MTUS2: variants seen among roughly 807,000 people sequenced by gnomAD.
MTUS2 encodes microtubule-associated tumor suppressor candidate 2.
Under a neutral mutation model 114.1 loss-of-function variants are expected in MTUS2, and 40 were observed. That is an observed-to-expected ratio of 0.35 (90% confidence interval 0.27 to 0.46). The LOEUF (loss-of-function observed/expected upper bound fraction) is 0.46, where lower values mean the gene tolerates loss of function less well. Ranked by LOEUF, MTUS2 falls within the 20% of genes least tolerant of loss-of-function variation. The pLI is 1.00. For missense variants in MTUS2, 1,679 were observed against 1,705.4 expected, an observed-to-expected ratio of 0.98 and a Z score of 0.27; for synonymous variants, 688 against 672.0, an observed-to-expected ratio of 1.02 and a Z score of -0.37.
intron 2 of MTUS2, among the ~76,000 whole-genome samples, chr13:28,973,643 T>TC (rs1593347120): frequency 6.6e-6 from 1 of 152,358 alleles, no homozygotes; most frequent in East Asian, 1.9e-4. Flanking sequence ...AGTTTGCTTT[T>TC]CCCTATTGCT....
chr13:29,218,161 C>A (rs1327396906), intron 5 of MTUS2, among the ~76,000 whole-genome samples: 1 of 151,612 alleles, frequency 6.6e-6, no homozygotes, highest in Non-Finnish European at 1.5e-5. Flanking sequence ...AAAAAAAAAA[C>A]ACCTAAAAAC....
At chr13:29,349,065 G>A (rs937292149) in intron 7 of MTUS2, among the ~76,000 whole-genome samples, 12 of 152,030 alleles carry the variant, frequency 7.9e-5, no homozygotes, top group African/African-American at 1.9e-4. Context: ...CCATCTTGCC[G>A]TATTTTCTAT....
At chr13:29,389,487 GTATGTGTA>G (rs1873021060) in intron 8 of MTUS2, among the ~76,000 whole-genome samples, 2 of 122,008 alleles carry the variant, frequency 1.6e-5, no homozygotes, top group African/African-American at 6.4e-5. Context: ...ACACGTGTGT[GTATGTGTA>G]TATATGTATA....
chr13:29,188,508 T>G (rs1020902562), intron 5 of MTUS2, among the ~76,000 whole-genome samples: 2 of 152,182 alleles, frequency 1.3e-5, no homozygotes, highest in Non-Finnish European at 2.9e-5. Flanking sequence ...ATCCAAATTG[T>G]TTTAAACATA....
chr13:28,903,428 A>C (rs1217266748), intron 2 of MTUS2, among the ~76,000 whole-genome samples: 1 of 92,388 alleles, frequency 1.1e-5, no homozygotes, highest in Non-Finnish European at 2.0e-5. Flanking sequence ...CCCACCCCAC[A>C]ACAGGCCCTG....
intron 5 of MTUS2, among the ~76,000 whole-genome samples, chr13:29,229,501 G>A (rs542264903): frequency 5.3e-5 from 8 of 152,302 alleles, no homozygotes; most frequent in African/African-American, 1.7e-4. Context: ...GATTCACATG[G>A]ACCTCTAATG....
At chr13:29,246,268 C>T (rs1056490032) in intron 5 of MTUS2, among the ~76,000 whole-genome samples, 6 of 152,124 alleles carry the variant, frequency 3.9e-5, no homozygotes, top group Middle Eastern at 3.2e-3. Flanking sequence ...GGACAGCAGG[C>T]AAGAACACTA....
chr13:29,417,308 C>G (rs1392593238), intron 8 of MTUS2, among the ~76,000 whole-genome samples: 2 of 152,218 alleles, frequency 1.3e-5, no homozygotes, highest in African/African-American at 4.8e-5. Context: ...TCCCCATGAC[C>G]CATACACCTT....
At chr13:28,997,116 A>G (rs1193066062) in intron 2 of MTUS2, among the ~76,000 whole-genome samples, 1 of 152,206 alleles carries the variant, frequency 6.6e-6, no homozygotes, top group Non-Finnish European at 1.5e-5. Context: ...ATTAGTTTCA[A>G]AGAACATCTT....
In MTUS2 at chr13:29,044,228, A is replaced by ATT. The variant is rs56704576; in HGVS notation, c.2446+10110_2446+10111dup. Among the ~76,000 whole-genome samples, 13 of 151,666 alleles carry ATT rather than the reference A, an allele frequency of 8.6e-5. No homozygotes were observed. The South Asian group carries it at 1.2e-3, about 15-fold the overall frequency. On this transcript the variant is annotated intron_variant, in intron 4 of 15. Coordinates refer to ENST00000612955, the MANE Select transcript of MTUS2 (RefSeq NM_001033602.4). ...TGCTTTGTTCAGAATCCAAGCTGGC[A>ATT]TTTTTTTTCTTTAAATATTTAAAGA...
chr13:29,128,561 A>T (rs1314216487), intron 5 of MTUS2, among the ~76,000 whole-genome samples: 1 of 152,244 alleles, frequency 6.6e-6, no homozygotes, highest in Non-Finnish European at 1.5e-5. Flanking sequence ...TATACACCTC[A>T]ATGAAAAGGG....
At chr13:28,833,916 A>G (rs1217171608) in intron 1 of MTUS2, among the ~76,000 whole-genome samples, 3 of 152,174 alleles carry the variant, frequency 2.0e-5, no homozygotes, top group Non-Finnish European at 4.4e-5. Flanking sequence ...GAAAATTTCC[A>G]TTTGTAATAG....
At chr13:29,197,186 G>A (rs111295155) in intron 5 of MTUS2, among the ~76,000 whole-genome samples, 11 of 152,046 alleles carry the variant, frequency 7.2e-5, no homozygotes, top group Non-Finnish European at 1.3e-4. Flanking sequence ...CCCTCCATTC[G>A]TTAGGTATTT....
intron 5 of MTUS2, among the ~76,000 whole-genome samples, chr13:29,179,614 A>T (rs1266043885): frequency 1.3e-5 from 2 of 151,134 alleles, no homozygotes; most frequent in Non-Finnish European, 3.0e-5. Context: ...GGGAAAAAGC[A>T]CAGGAAGTCA....
chr13:28,862,987 A>G (rs1239025809), intron 2 of MTUS2, among the ~76,000 whole-genome samples: 1 of 152,200 alleles, frequency 6.6e-6, no homozygotes, highest in Non-Finnish European at 1.5e-5. Context: ...TATATACTTA[A>G]GTGATTACCT....
At chr13:29,172,787 C>T (rs1387863048) in intron 5 of MTUS2, among the ~76,000 whole-genome samples, 4 of 152,212 alleles carry the variant, frequency 2.6e-5, no homozygotes, top group African/African-American at 7.2e-5. Context: ...TACATAAAAC[C>T]ATGTGAAGGT....
intron 2 of MTUS2, among the ~76,000 whole-genome samples, chr13:28,854,057 G>A (rs1023586610): frequency 1.6e-4 from 25 of 152,202 alleles, no homozygotes; most frequent in African/African-American, 6.0e-4. Context: ...AGAAAGCTTA[G>A]TGTCCACTGC....
chr13:29,433,174 C>T (rs1016663503), intron 8 of MTUS2, among the ~76,000 whole-genome samples: 1 of 152,172 alleles, frequency 6.6e-6, no homozygotes, highest in Non-Finnish European at 1.5e-5. Flanking sequence ...GTGATATTCC[C>T]TTATTAACTA....
intron 2 of MTUS2, among the ~76,000 whole-genome samples, chr13:28,914,310 GT>G (rs548540316): frequency 5.2e-4 from 79 of 152,194 alleles, no homozygotes; most frequent in African/African-American, 1.7e-3. Flanking sequence ...GTTCTCATTA[GT>G]TTTGAAGAAC....
Sources: allele counts gnomAD v4.1 joint callset (sites outside exome capture counted in the v4.1 genomes callset), GRCh38; gene constraint gnomAD v4.1.1; transcripts MANE v1.5; gene names NCBI Gene and HGNC (gene_info 2026-07-23, HGNC 2026-07-21).